The following RYR2 variants were observed in gnomAD, a reference collection of about 807,000 sequenced individuals.
RYR2 encodes the protein ryanodine receptor 2, also known as cardiac muscle ryanodine receptor-calcium release channel.
A neutral mutation model predicts 601.1 loss-of-function variants in RYR2; 227 were observed. The observed-to-expected ratio is 0.38, with a 90% CI of 0.34 to 0.42. RYR2 has a LOEUF of 0.42. Among genes scored for constraint, RYR2 ranks in the 10% least tolerant of loss-of-function variants. The probability of loss-of-function intolerance (pLI) is 1.00; values close to 1 mark genes in which losing one functional copy is unlikely to be tolerated. For synonymous variants in RYR2, 2,223 were observed against 2,175.1 expected, an observed-to-expected ratio of 1.02 and a Z score of -0.61; for missense variants, 4,646 against 6,156.5, an observed-to-expected ratio of 0.75 and a Z score of 8.21.
chr1:237,722,590 C>T (rs1171540359), intron 73 of RYR2, among the ~76,000 whole-genome samples: 1 of 151,806 alleles, frequency 6.6e-6, no homozygotes, highest in Non-Finnish European at 1.5e-5. Context: ...CCCGCCACCA[C>T]GCCTGGCTAA....
At chr1:237,571,064 A>G (rs893588969) in intron 29 of RYR2, among the ~76,000 whole-genome samples, 1 of 152,060 alleles carries the variant, frequency 6.6e-6, no homozygotes, top group African/African-American at 2.4e-5. Context: ...GGAGGTCGAG[A>G]CTGCAGTGAG....
rs556269614 is a variant in RYR2 at position 237,631,613 on chromosome 1, A to ATTTTTTTTT, written c.6555+96_6555+104dup. The ATTTTTTTTT allele has an allele frequency of 2.8e-4, 58 of 208,586 alleles. 8 individuals carry two copies. Among genetic ancestry groups the ATTTTTTTTT allele is most frequent in the African/African-American group, 2.3e-3 (34 of 14,848 alleles). 12.9% of individuals were successfully genotyped at this position (208,586 alleles called of 1,614,324 possible). ...GTATATAGATTGATATAGAATGCAG[A>ATTTTTTTTT]TTTTTTTTTTTTTTTTTTTTTTTTT... On this transcript the variant is annotated intron_variant, in intron 42 of 104. Coordinates refer to ENST00000366574, the MANE Select transcript of RYR2 (RefSeq NM_001035.3).
At position 237,660,870 on chromosome 1, in the gene RYR2, T is replaced by C. The variant is rs1171280998; in HGVS notation, c.8359T>C (p.Trp2787Arg). The C allele has an allele frequency of 6.5e-7, 1 of 1,544,328 alleles. No homozygotes were observed. Among genetic ancestry groups the C allele is most frequent in the South Asian group, 1.2e-5 (1 of 82,696 alleles). The stretch of plus-strand genomic sequence containing the variant: ...TTTAAAAACTATGCTGGCTTGGGGC[T>C]GGAGAATTGAAAGAACTCGGGAGGG... ...ESLKTMLAWG[W>R]RIERTREGDS... The change falls in exon 56 of 105, where the codon TGG becomes CGG. Residue 2787 changes from tryptophan (W) to arginine (R), a missense_variant. Trp to Arg is a moderately radical substitution (Grantham distance 101). Coordinates refer to ENST00000366574, the MANE Select transcript of RYR2 (RefSeq NM_001035.3).
rs370923567 is a variant in RYR2 at position 237,506,213 on chromosome 1, CA to C, written c.2614-487del. On this transcript the variant is annotated intron_variant, in intron 22 of 104. Coordinates refer to ENST00000366574, the MANE Select transcript of RYR2 (RefSeq NM_001035.3). ...AAATTGATTTGGAAACCTAAGTTGT[CA>C]AAAAAAAAAGGTACCAAAATTTATT... is the stretch of plus-strand genomic sequence containing the variant. 1.1e-3 allele frequency among the ~76,000 whole-genome samples: 150 copies of C among 140,874 alleles called. 1 individual carries two copies. Among genetic ancestry groups the C allele is most frequent in the African/African-American group, 3.2e-3 (124 of 38,256 alleles). 92.4% of individuals were successfully genotyped at this position (140,874 alleles called of 152,430 possible).
chr1:237,756,763 TAGC>T (rs1692990624), intron 81 of RYR2, among the ~76,000 whole-genome samples: 1 of 152,210 alleles, frequency 6.6e-6, no homozygotes, highest in African/African-American at 2.4e-5. Flanking sequence ...TGTGCCATGT[TAGC>T]AGGAAAGCTG....
chr1:237,325,157 C>T (rs971644832), intron 2 of RYR2, among the ~76,000 whole-genome samples: 1 of 152,096 alleles, frequency 6.6e-6, no homozygotes, highest in African/African-American at 2.4e-5. Context: ...CGTGGCAGAA[C>T]ACGTTGATTA....
intron 1 of RYR2, among the ~76,000 whole-genome samples, chr1:237,130,851 A>C (rs1290216062): frequency 2.0e-5 from 3 of 152,208 alleles, no homozygotes; most frequent in Admixed American, 2.0e-4. Flanking sequence ...ATTTTTTTAG[A>C]TACAGGGTCT....
chr1:237,440,544 G>A (rs1317483842), intron 12 of RYR2, among the ~76,000 whole-genome samples: 1 of 152,160 alleles, frequency 6.6e-6, no homozygotes, highest in Non-Finnish European at 1.5e-5. Context: ...GACATAAACA[G>A]AGATTTGAAA....
intron 100 of RYR2, among the ~76,000 whole-genome samples, chr1:237,814,910 G>T (rs186683694): frequency 1.9e-4 from 28 of 148,276 alleles, no homozygotes; most frequent in African/African-American, 6.7e-4. Flanking sequence ...CTTAATTGTT[G>T]TCACTTACTT....
intron 100 of RYR2, among the ~76,000 whole-genome samples, chr1:237,817,986 T>C (rs1662026002): frequency 6.6e-6 from 1 of 152,194 alleles, no homozygotes; most frequent in Non-Finnish European, 1.5e-5. Flanking sequence ...AAAAGCCTAT[T>C]GCAAGAGAAG....
At chr1:237,472,933 C>T (rs1030074422) in intron 17 of RYR2, among the ~76,000 whole-genome samples, 5 of 151,682 alleles carry the variant, frequency 3.3e-5, no homozygotes, top group African/African-American at 1.2e-4. Context: ...TCATTAGACC[C>T]AAAGGATAGA....
chr1:237,817,584 T>C (rs1661972284), intron 100 of RYR2, among the ~76,000 whole-genome samples: 1 of 152,062 alleles, frequency 6.6e-6, no homozygotes, highest in Non-Finnish European at 1.5e-5. Flanking sequence ...AAGAAAAAGA[T>C]CCAGGCTGGA....
rs768486332 is a variant in RYR2 at position 237,500,729 on chromosome 1, T to C, written c.2222T>C (p.Val741Ala). ...HLWSGCIARTVSSPNQHLLRT... is the reference protein window; with the variant it reads ...HLWSGCIARTASSPNQHLLRT... Reference sequence around the variant, plus strand: ...CCAATAGGTTGTATTGCTCGTACTGTAAGCTCACCAAACCAACATCTGTTA... The same window carrying C: ...CCAATAGGTTGTATTGCTCGTACTGCAAGCTCACCAAACCAACATCTGTTA... The change falls in exon 21 of 105, where the codon GTA becomes GCA. Residue 741 changes from valine (V) to alanine (A), a missense_variant. Physicochemically the swap from Val to Ala is moderately conservative, Grantham distance 64. This residue lies in a region of RYR2 where 1,807 missense variants were observed against 2,088.1 expected (regional missense o/e 0.87). Coordinates refer to ENST00000366574, the MANE Select transcript of RYR2 (RefSeq NM_001035.3). 6.2e-7 allele frequency: 1 copy of C among 1,610,764 alleles called. No individual in the cohort carries two copies. The highest frequency in any genetic ancestry group is 1.7e-5 in the Admixed American group (1 of 59,964).
intron 41 of RYR2, among the ~76,000 whole-genome samples, chr1:237,629,246 C>T (rs919678975): frequency 2.0e-5 from 3 of 151,898 alleles, no homozygotes; most frequent in African/African-American, 4.8e-5. Context: ...GAGTAGTGTT[C>T]GCTACTCAGG....
intron 27 of RYR2, among the ~76,000 whole-genome samples, chr1:237,559,800 TTTG>T (rs1439099982): frequency 1.3e-5 from 2 of 152,196 alleles, no homozygotes; most frequent in Admixed American, 6.5e-5. Context: ...TATTTCAGAT[TTTG>T]TTGTTGTGCT....
intron 12 of RYR2, among the ~76,000 whole-genome samples, chr1:237,432,210 TA>T (rs1553449562): frequency 9.2e-4 from 118 of 128,672 alleles, no homozygotes; most frequent in East Asian, 3.1e-3. Flanking sequence ...AGGCTTTTTT[TA>T]AAAAAAAATG....
At position 237,125,608 on chromosome 1, in the gene RYR2, G is replaced by A. The variant is rs142901959; in HGVS notation, c.48+83039G>A. Among the ~76,000 whole-genome samples the A allele has an allele frequency of 3.2e-4, 48 of 152,204 alleles. No individual in the cohort carries two copies. In the East Asian group the frequency reaches 6.4e-3, roughly 20 times the overall value. ...TAAGGAATTACATAAAAATATTAAC[G>A]TCATTGTTTTTGTGCTAAGTTCCTC... On this transcript the variant is annotated intron_variant, in intron 1 of 104. Transcript: ENST00000366574.
At chr1:237,818,406 T>C (rs2102817705) in intron 100 of RYR2, among the ~76,000 whole-genome samples, 1 of 152,288 alleles carries the variant, frequency 6.6e-6, no homozygotes, top group African/African-American at 2.4e-5. Context: ...AAATGCACTT[T>C]AGTGAACCCC....
At chr1:237,598,038 A>G (rs769267017) in intron 34 of RYR2, among the ~76,000 whole-genome samples, 3 of 152,208 alleles carry the variant, frequency 2.0e-5, no homozygotes, top group Non-Finnish European at 4.4e-5. Context: ...CCACACTTAG[A>G]TAAAATAGAC....
Sources: gnomAD v4.1 joint callset for allele counts (sites outside exome capture counted in the v4.1 genomes callset) on GRCh38, gnomAD v4.1.1 for gene constraint, gnomAD v4.1.1 regional missense constraint, MANE v1.5 for transcripts, NCBI Gene and HGNC (gene_info 2026-07-23, HGNC 2026-07-21) for gene names.